ARID1B: variants seen among roughly 807,000 people sequenced by gnomAD.
ARID1B encodes the protein AT-rich interactive domain-containing protein 1B.
In ARID1B, 30 loss-of-function variants were observed where a neutral mutation model predicts 212.3. The observed-to-expected ratio is 0.14, with a 90% CI of 0.11 to 0.19. The LOEUF (loss-of-function observed/expected upper bound fraction) is 0.19. ARID1B is among the 10% of genes least tolerant of loss of function. The probability of loss-of-function intolerance (pLI) is 1.00; values close to 1 mark genes in which losing one functional copy is unlikely to be tolerated. For synonymous variants in ARID1B, 1,402 were observed against 1,301.7 expected (o/e 1.08, Z -1.66); for missense variants, 2,891 against 3,204.0 (o/e 0.90, Z 2.36).
At chr6:156,935,813 A>G (rs1792154651) in intron 4 of ARID1B, 2 of 423,842 alleles carry the variant, frequency 4.7e-6, no homozygotes, top group South Asian at 2.7e-5. Flanking sequence ...GGAAGGTTTT[A>G]TGCGGCTGGT....
chr6:156,836,101 A>G (rs1459030179), intron 2 of ARID1B, among the ~76,000 whole-genome samples: 4 of 152,244 alleles, frequency 2.6e-5, no homozygotes, highest in Admixed American at 1.3e-4. Context: ...CGACGTCAGT[A>G]AAATGAACCA....
Position 156,778,906 on chromosome 6 carries a change from G to GAGCAGCAGC in ARID1B, c.1228_1229insCAGCAGCAG (p.Gly409_Gly410insAlaAlaAla). Reference sequence around the variant, plus strand: ...GGAGGCAGCGGAGGAGGAGGAGGAGGAGGAGGAGCAGGAGCAGGAGGAGCA... The same window carrying GAGCAGCAGC: ...GGAGGCAGCGGAGGAGGAGGAGGAGGAGCAGCAGCAGGAGGAGCAGGAGCAGGAGGAGCA... On this transcript the variant is annotated inframe_insertion, in exon 1 of 20. Coordinates refer to ENST00000636930, the MANE Select transcript of ARID1B (RefSeq NM_001374828.1). The GAGCAGCAGC allele has an allele frequency of 7.3e-7, 1 of 1,367,118 alleles. No individual in the cohort carries two copies. Among genetic ancestry groups the GAGCAGCAGC allele is most frequent in the Non-Finnish European group, 9.4e-7 (1 of 1,062,180 alleles). The allele number at this position is 1,367,118 out of a possible 1,614,324, so 84.7% of individuals were successfully genotyped here.
chr6:157,056,542 C>T (rs1441580120), intron 4 of ARID1B, among the ~76,000 whole-genome samples: 2 of 152,150 alleles, frequency 1.3e-5, no homozygotes, highest in African/African-American at 4.8e-5. Flanking sequence ...GGATGTGCTG[C>T]GTTTCTGTTT....
chr6:157,172,986 C>G (rs1404853789), intron 9 of ARID1B: 1 of 152,178 alleles, frequency 6.6e-6, no homozygotes, highest in Non-Finnish European at 1.5e-5. Flanking sequence ...TCCCGTCTCT[C>G]TCCTTCCCTC....
chr6:157,081,010 T>G (rs935018907), intron 4 of ARID1B, among the ~76,000 whole-genome samples: 2 of 152,228 alleles, frequency 1.3e-5, no homozygotes, highest in South Asian at 4.1e-4. Flanking sequence ...CACATGATGA[T>G]AGCAAAATAG....
chr6:157,200,598 A>G lies in ARID1B; in HGVS notation c.4480-107A>G, dbSNP rs374570539. The G allele has an allele frequency of 3.8e-6, 5 of 1,320,748 alleles. No individual in the cohort carries two copies. The highest frequency in any genetic ancestry group is 5.1e-6 in the Non-Finnish European group (5 of 974,798). The allele number at this position is 1,320,748 out of a possible 1,614,324, so 81.8% of individuals were successfully genotyped here. A position where few individuals can be genotyped will look rare whatever the true frequency, so the allele number is the denominator to read the frequency against. On this transcript the variant is annotated intron_variant, in intron 17 of 19. Coordinates refer to ENST00000636930, the MANE Select transcript of ARID1B (RefSeq NM_001374828.1). This position sits in a 1 kb window ranked among gnomAD's most constrained non-coding sequence, Gnocchi z 4.3. ...GTTGTTATAGGAGCTTCCCATATTCATTTTGAAATGAACATTCTAGCAGGT... is the reference window on the plus strand; with the variant it reads ...GTTGTTATAGGAGCTTCCCATATTCGTTTTGAAATGAACATTCTAGCAGGT...
At chr6:157,010,540 C>G (rs1779535295) in intron 4 of ARID1B, among the ~76,000 whole-genome samples, 1 of 151,650 alleles carries the variant, frequency 6.6e-6, no homozygotes. Context: ...CCAGGACGGT[C>G]TCATCTCCTG....
At chr6:156,885,820 C>T (rs756862398) in intron 2 of ARID1B, among the ~76,000 whole-genome samples, 4 of 152,186 alleles carry the variant, frequency 2.6e-5, no homozygotes, top group Non-Finnish European at 5.9e-5. Context: ...ATGTGCTAAA[C>T]GACTCACAAC....
chr6:157,112,072 A>G (rs903988783), intron 6 of ARID1B, among the ~76,000 whole-genome samples: 34 of 152,188 alleles, frequency 2.2e-4, no homozygotes, highest in African/African-American at 7.7e-4. Flanking sequence ...ACCTGAGCCC[A>G]TGGAGGTCGA....
chr6:156,870,778 G>A (rs1005401611), intron 2 of ARID1B, among the ~76,000 whole-genome samples: 1 of 151,250 alleles, frequency 6.6e-6, no homozygotes, highest in African/African-American at 2.4e-5. Context: ...TAATTCTGTC[G>A]TATTGCACAT....
intron 1 of ARID1B, among the ~76,000 whole-genome samples, chr6:156,792,793 G>T (rs1040428321): frequency 3.3e-5 from 5 of 152,174 alleles, no homozygotes; most frequent in Non-Finnish European, 7.4e-5. Context: ...TCCGTTACAG[G>T]CGCTGTGGGA....
intron 2 of ARID1B, among the ~76,000 whole-genome samples, chr6:156,877,876 A>G (rs1402808143): frequency 6.7e-6 from 1 of 148,684 alleles, no homozygotes; most frequent in Non-Finnish European, 1.5e-5. Context: ...TACCTAGCTA[A>G]TTTTTTTTTT....
At chr6:156,897,218 G>GCTGCTGCTTCTTCTTCTTCTTCTT (rs1554264583) in intron 2 of ARID1B, among the ~76,000 whole-genome samples, 5 of 91,366 alleles carry the variant, frequency 5.5e-5, no homozygotes, top group African/African-American at 8.1e-5. Context: ...TGCTGCTGCT[G>GCTGCTGCTTCTTCTTCTTCTTCTT]CTTCTTCTTC....
At chr6:156,884,758 G>T (rs978143168) in intron 2 of ARID1B, among the ~76,000 whole-genome samples, 1 of 152,208 alleles carries the variant, frequency 6.6e-6, no homozygotes, top group African/African-American at 2.4e-5. Flanking sequence ...TACTAGTGTT[G>T]CTAATTCTTT....
At chr6:157,027,037 G>C (rs1031434998) in intron 4 of ARID1B, among the ~76,000 whole-genome samples, 2 of 152,194 alleles carry the variant, frequency 1.3e-5, no homozygotes, top group Admixed American at 6.5e-5. Flanking sequence ...TGTGAGAGAA[G>C]AAAGGGAGAT....
chr6:156,989,562 T>C (rs1778145473), intron 4 of ARID1B, among the ~76,000 whole-genome samples: 2 of 152,208 alleles, frequency 1.3e-5, no homozygotes, highest in South Asian at 4.1e-4. Context: ...ATTTGGCCTT[T>C]AATCCCAATT....
chr6:157,147,316 C>T (rs1447070980), intron 7 of ARID1B, among the ~76,000 whole-genome samples: 2 of 36,240 alleles, frequency 5.5e-5, no homozygotes, highest in African/African-American at 2.6e-4. Context: ...CTCCGTCCCT[C>T]ACCTCCGCCT....
chr6:157,137,475 G>A (rs1789015879), intron 7 of ARID1B, among the ~76,000 whole-genome samples: 2 of 152,144 alleles, frequency 1.3e-5, no homozygotes, highest in South Asian at 4.1e-4. Flanking sequence ...GTTTGTATGG[G>A]AAAAAGAGAG....
intron 3 of ARID1B, 90 bp downstream of exon 3, chr6:156,901,615 T>A (rs1377472491): frequency 1.4e-6 from 2 of 1,444,250 alleles, no homozygotes; most frequent in Admixed American, 2.7e-5. Context: ...TATTAAAAAT[T>A]ATGTTCTGGT....
Sources: gnomAD v4.1 joint callset for allele counts (sites outside exome capture counted in the v4.1 genomes callset) on GRCh38, gnomAD v4.1.1 for gene constraint, Gnocchi (gnomAD v3.1) non-coding constraint, MANE v1.5 for transcripts, NCBI Gene and HGNC (gene_info 2026-07-23, HGNC 2026-07-21) for gene names.